The following TIAM1 variants were observed in gnomAD, a reference collection of about 807,000 sequenced individuals.
The protein encoded by TIAM1 is rho guanine nucleotide exchange factor TIAM1.
A neutral mutation model predicts 163.5 loss-of-function variants in TIAM1; 65 were observed. That is an observed-to-expected ratio of 0.40 (90% CI 0.33 to 0.49). The LOEUF (loss-of-function observed/expected upper bound fraction) is 0.49, where lower values mean the gene tolerates loss of function less well. Among genes scored for constraint, TIAM1 ranks in the 20% least tolerant of loss-of-function variants. The pLI, the probability that TIAM1 is intolerant of heterozygous loss-of-function variation, is 0.77. For missense variants in TIAM1, 1,789 were observed against 2,044.7 expected (o/e 0.87, Z 2.41); for synonymous variants, 833 against 810.1 (o/e 1.03, Z -0.48).
chr21:31,206,042 G>A (rs1260186523), intron 11 of TIAM1, among the ~76,000 whole-genome samples: 2 of 152,132 alleles, frequency 1.3e-5, no homozygotes, highest in South Asian at 2.1e-4. Flanking sequence ...ACTTCTTTAA[G>A]TTACAATAAT....
At chr21:31,467,983 G>A (rs954330561) in intron 1 of TIAM1, among the ~76,000 whole-genome samples, 1 of 151,488 alleles carries the variant, frequency 6.6e-6, no homozygotes, top group South Asian at 2.1e-4. Flanking sequence ...CTACTCAGGA[G>A]ACTGAGGCAG....
chr21:31,261,277 T>TTG (rs1555909326), intron 4 of TIAM1, among the ~76,000 whole-genome samples: 2 of 150,878 alleles, frequency 1.3e-5, no homozygotes, highest in South Asian at 2.1e-4. Context: ...TTTTTTTTTT[T>TTG]GTATCTGTAC....
intron 2 of TIAM1, among the ~76,000 whole-genome samples, chr21:31,430,794 T>C (rs2044000685): frequency 6.6e-6 from 1 of 152,208 alleles, no homozygotes; most frequent in South Asian, 2.1e-4. Context: ...TCACCTTAGA[T>C]TTTGAGTCTA....
chr21:31,436,562 G>C (rs961568808), intron 2 of TIAM1, among the ~76,000 whole-genome samples: 9 of 152,074 alleles, frequency 5.9e-5, no homozygotes, highest in Non-Finnish European at 5.9e-5. Context: ...GGGAGGTAGA[G>C]GTTGCAGTGA....
intron 3 of TIAM1, among the ~76,000 whole-genome samples, chr21:31,275,852 T>C (rs2073275745): frequency 6.6e-6 from 1 of 152,202 alleles, no homozygotes; most frequent in South Asian, 2.1e-4. Context: ...AAGGACATTG[T>C]GAAATCTGAC....
At chr21:31,442,431 C>G (rs2044470355) in intron 2 of TIAM1, among the ~76,000 whole-genome samples, 1 of 151,900 alleles carries the variant, frequency 6.6e-6, no homozygotes, top group Non-Finnish European at 1.5e-5. Context: ...CAGGGTTTCA[C>G]CATGTTGGCC....
At chr21:31,287,056 G>A (rs1327570397) in intron 2 of TIAM1, among the ~76,000 whole-genome samples, 1 of 152,054 alleles carries the variant, frequency 6.6e-6, no homozygotes, top group Admixed American at 6.5e-5. Context: ...TTATTTCATT[G>A]ATTTTAAGAA....
chr21:31,251,859 C>G lies in TIAM1; in HGVS notation c.1294G>C (p.Gly432Arg), dbSNP rs1569107671. The G allele has an allele frequency of 6.2e-7, 1 of 1,613,886 alleles. No homozygotes were observed. The highest frequency in any genetic ancestry group is 8.5e-7 in the Non-Finnish European group (1 of 1,179,942). ...AGGGCGCCGGCCTTGCGCACCGTGC[C>G]CTGTGCGGCGGTCAGCAGGATGTCC... ...QSDILLTAAQ[G>R]TVRKAGALAV... Residue 432 changes from glycine to arginine, a missense_variant, in exon 5 of 28, where the codon GGC becomes CGC. Coordinates refer to ENST00000541036, the MANE Select transcript of TIAM1 (RefSeq NM_001353694.2).
chr21:31,295,593 G>A (rs963912833), intron 2 of TIAM1, among the ~76,000 whole-genome samples: 1 of 151,930 alleles, frequency 6.6e-6, no homozygotes, highest in Admixed American at 6.6e-5. Context: ...TAAACTCAGA[G>A]GCTATGAAGA....
chr21:31,243,209 AAT>A lies in TIAM1; in HGVS notation c.1584+2277_1584+2278del, dbSNP rs1555902486. Among the ~76,000 whole-genome samples the A allele has an allele frequency of 2.8e-3, 331 of 117,274 alleles. 1 individual carries two copies. Among genetic ancestry groups the A allele is most frequent in the East Asian group, 0.012 (47 of 4,084 alleles). 76.9% of individuals were successfully genotyped at this position (117,274 alleles called of 152,430 possible). ...CTTCATCTCAAAAAAAAAAAAAAAA[AAT>A]ATATATATATATATGTATATTTCAT... On this transcript the variant is annotated intron_variant, in intron 6 of 27. Transcript: ENST00000541036.
At chr21:31,432,002 C>T (rs191683009) in intron 2 of TIAM1, among the ~76,000 whole-genome samples, 128 of 152,124 alleles carry the variant, frequency 8.4e-4, no homozygotes, top group African/African-American at 2.6e-3. Flanking sequence ...GAGTTACATG[C>T]CATCTTACAA....
intron 25 of TIAM1, among the ~76,000 whole-genome samples, chr21:31,127,934 T>C (rs2082272148): frequency 6.6e-6 from 1 of 152,142 alleles, no homozygotes; most frequent in Non-Finnish European, 1.5e-5. Flanking sequence ...GGGTTTCTCG[T>C]CCCCAGCCTA....
chr21:31,375,656 G>C (rs1303367116), intron 2 of TIAM1, among the ~76,000 whole-genome samples: 1 of 152,170 alleles, frequency 6.6e-6, no homozygotes, highest in South Asian at 2.1e-4. Flanking sequence ...TATACATCCT[G>C]TGCCACCAAA....
chr21:31,309,230 G>A (rs1342585219), intron 2 of TIAM1, among the ~76,000 whole-genome samples: 2 of 152,160 alleles, frequency 1.3e-5, no homozygotes, highest in African/African-American at 4.8e-5. Flanking sequence ...GGCTGAGGTG[G>A]ACAAATCACC....
intron 3 of TIAM1, among the ~76,000 whole-genome samples, chr21:31,272,364 C>G (rs1160324140): frequency 6.6e-6 from 1 of 151,224 alleles, no homozygotes; most frequent in African/African-American, 2.4e-5. Context: ...TTTTAAGAAA[C>G]TTTATCAATA....
At chr21:31,198,573 TAACACC>T (rs2086007488) in intron 12 of TIAM1, among the ~76,000 whole-genome samples, 1 of 152,316 alleles carries the variant, frequency 6.6e-6, no homozygotes, top group African/African-American at 2.4e-5. Flanking sequence ...ATGTATAACC[TAACACC>T]ACAAAATGCT....
At chr21:31,442,084 T>TATATATATATAG (rs1389424801) in intron 2 of TIAM1, among the ~76,000 whole-genome samples, 1 of 122,706 alleles carries the variant, frequency 8.1e-6, no homozygotes, top group African/African-American at 3.1e-5. Flanking sequence ...TATATATATA[T>TATATATATATAG]ATAGAACAAT....
At chr21:31,428,680 C>G (rs1404163385) in intron 2 of TIAM1, among the ~76,000 whole-genome samples, 1 of 151,998 alleles carries the variant, frequency 6.6e-6, no homozygotes, top group Non-Finnish European at 1.5e-5. Flanking sequence ...GCCAGGAGTT[C>G]GAGACCAGCC....
intron 5 of TIAM1, among the ~76,000 whole-genome samples, chr21:31,249,388 T>C (rs1328725856): frequency 1.3e-5 from 2 of 152,160 alleles, no homozygotes; most frequent in Non-Finnish European, 2.9e-5. Flanking sequence ...TACATTTCTG[T>C]TATTTCCACC....
Sources: gnomAD v4.1 joint callset for allele counts (sites outside exome capture counted in the v4.1 genomes callset) on GRCh38, gnomAD v4.1.1 for gene constraint, MANE v1.5 for transcripts, NCBI Gene and HGNC (gene_info 2026-07-23, HGNC 2026-07-21) for gene names.